DLG2: variants seen among roughly 807,000 people sequenced by gnomAD.
The protein encoded by DLG2 is disks large homolog 2.
Under a neutral mutation model 132.5 loss-of-function variants are expected in DLG2, and 45 were observed. The observed-to-expected ratio is 0.34, with a 90% CI of 0.27 to 0.44. DLG2 has a LOEUF of 0.44. Among genes scored for constraint, DLG2 ranks in the 20% least tolerant of loss-of-function variants. The probability of loss-of-function intolerance (pLI) is 1.00; values close to 1 mark genes in which losing one functional copy is unlikely to be tolerated. For synonymous variants in DLG2, 424 were observed against 419.6 expected (o/e 1.01, Z -0.13); for missense variants, 1,045 against 1,196.9 (o/e 0.87, Z 1.87).
At chr11:83,491,829 TCTC>T (rs1379790728) in intron 21 of DLG2, among the ~76,000 whole-genome samples, 1 of 151,954 alleles carries the variant, frequency 6.6e-6, no homozygotes, top group Non-Finnish European at 1.5e-5. Context: ...TCTTTCTGCT[TCTC>T]CTTACAGCAA....
chr11:84,699,929 A>T (rs1010309237), intron 6 of DLG2, among the ~76,000 whole-genome samples: 1 of 151,580 alleles, frequency 6.6e-6, no homozygotes, highest in African/African-American at 2.4e-5. Flanking sequence ...AGGCTGTACC[A>T]CTTCCTAGCA....
chr11:85,598,795 A>C lies in DLG2; in HGVS notation c.-92-7T>G. The C allele has an allele frequency of 1.2e-6, 1 of 814,132 alleles. No homozygotes were observed. The highest frequency in any genetic ancestry group is 1.8e-6 in the Non-Finnish European group (1 of 545,404). 50.4% of individuals were successfully genotyped at this position (814,132 alleles called of 1,614,324 possible). ...GATAAAGCTCGGTCAGTATCTGAAA[A>C]ACATGATATTATTATTATATTTTAT... On this transcript the variant is annotated splice_polypyrimidine_tract_variant and splice_region_variant and intron_variant, in intron 2 of 27. Transcript: ENST00000376104.
chr11:84,538,580 G>A (rs769335883), intron 6 of DLG2, among the ~76,000 whole-genome samples: 66 of 151,696 alleles, frequency 4.4e-4, no homozygotes, highest in Non-Finnish European at 9.4e-4. Flanking sequence ...GTTCCTTTGT[G>A]CTTCCCTTAC....
At chr11:83,495,548 T>C (rs565060271) in intron 21 of DLG2, among the ~76,000 whole-genome samples, 2 of 152,254 alleles carry the variant, frequency 1.3e-5, no homozygotes, top group African/African-American at 2.4e-5. Context: ...ACCCATACCA[T>C]AGTACTTATG....
At chr11:83,703,680 T>A (rs7927165) in intron 18 of DLG2, among the ~76,000 whole-genome samples, 39,597 of 152,090 alleles carry the variant, frequency 0.26, 6,140 homozygotes, top group African/African-American at 0.43. Context: ...AAAGTTTTCT[T>A]TACATTTGAA....
intron 6 of DLG2, among the ~76,000 whole-genome samples, chr11:84,563,284 C>G (rs2099434898): frequency 6.6e-6 from 1 of 152,116 alleles, no homozygotes; most frequent in South Asian, 2.1e-4. Context: ...GATGCTACAC[C>G]CACAACACAT....
intron 16 of DLG2, among the ~76,000 whole-genome samples, chr11:83,840,855 G>A (rs1275356893): frequency 6.6e-6 from 1 of 152,108 alleles, no homozygotes; most frequent in Non-Finnish European, 1.5e-5. Context: ...CTTGACTGAT[G>A]GTCATTTAAT....
intron 6 of DLG2, among the ~76,000 whole-genome samples, chr11:84,603,177 G>A (rs1045783455): frequency 6.6e-6 from 1 of 151,818 alleles, no homozygotes; most frequent in Non-Finnish European, 1.5e-5. Context: ...GCTTTAGAAG[G>A]CTTATTAGTC....
At chr11:84,678,370 G>A (rs1172021897) in intron 6 of DLG2, among the ~76,000 whole-genome samples, 5 of 152,074 alleles carry the variant, frequency 3.3e-5, no homozygotes, top group Non-Finnish European at 5.9e-5. Context: ...AGTTAACACA[G>A]GGTTAGCACA....
intron 3 of DLG2, among the ~76,000 whole-genome samples, chr11:85,531,633 GCTCTGAGCCTAT>G (rs530614838): frequency 6.1e-4 from 93 of 152,328 alleles, no homozygotes; most frequent in Non-Finnish European, 3.2e-4. Flanking sequence ...GAAGAGACCA[GCTCTGAGCCTAT>G]CTTTGACAGG....
chr11:85,400,309 T>C (rs1339886677), intron 3 of DLG2, among the ~76,000 whole-genome samples: 3 of 141,068 alleles, frequency 2.1e-5, no homozygotes, highest in African/African-American at 8.0e-5. Context: ...TGTGGAGAAA[T>C]AGGAACACTT....
intron 7 of DLG2, among the ~76,000 whole-genome samples, chr11:84,329,245 A>G (rs2098447482): frequency 6.6e-6 from 1 of 152,184 alleles, no homozygotes; most frequent in African/African-American, 2.4e-5. Context: ...TTCTCAGTAA[A>G]TACTTGAATT....
chr11:85,469,087 C>G (rs1358646058), intron 3 of DLG2, among the ~76,000 whole-genome samples: 6 of 152,178 alleles, frequency 3.9e-5, no homozygotes, highest in African/African-American at 1.4e-4. Context: ...TCCAATCGGG[C>G]AAGTCAAGAA....
intron 7 of DLG2, among the ~76,000 whole-genome samples, chr11:84,522,977 G>T (rs976871746): frequency 1.3e-5 from 2 of 152,082 alleles, no homozygotes; most frequent in African/African-American, 4.8e-5. Flanking sequence ...TACAATTTGA[G>T]CTAACCAACA....
intron 9 of DLG2, among the ~76,000 whole-genome samples, chr11:84,130,708 G>A (rs978082496): frequency 6.6e-6 from 1 of 151,536 alleles, no homozygotes; most frequent in African/African-American, 2.4e-5. Context: ...CTAAATGGTC[G>A]TAACAGCAGA....
At chr11:83,504,993 T>C (rs925221271) in intron 21 of DLG2, among the ~76,000 whole-genome samples, 10 of 152,146 alleles carry the variant, frequency 6.6e-5, no homozygotes, top group African/African-American at 2.2e-4. Context: ...TCTTTAGCCA[T>C]AAAGTGAGTG....
At chr11:85,092,980 T>C (rs988941960) in intron 6 of DLG2, among the ~76,000 whole-genome samples, 9 of 152,132 alleles carry the variant, frequency 5.9e-5, no homozygotes, top group African/African-American at 2.2e-4. Context: ...TGTGAAATAA[T>C]CATATCATGG....
chr11:84,621,346 G>T (rs1033488845), intron 6 of DLG2, among the ~76,000 whole-genome samples: 7 of 152,048 alleles, frequency 4.6e-5, no homozygotes, highest in Admixed American at 3.9e-4. Context: ...GAAGCTGGGG[G>T]TTAATTAGGA....
intron 4 of DLG2, among the ~76,000 whole-genome samples, chr11:85,215,078 C>T (rs909753708): frequency 6.6e-6 from 1 of 152,072 alleles, no homozygotes; most frequent in African/African-American, 2.4e-5. Flanking sequence ...TTGAAAGAAA[C>T]TGAAATAAAA....
Sources: gnomAD v4.1 joint callset for allele counts (sites outside exome capture counted in the v4.1 genomes callset) on GRCh38, gnomAD v4.1.1 for gene constraint, MANE v1.5 for transcripts, NCBI Gene and HGNC (gene_info 2026-07-23, HGNC 2026-07-21) for gene names.